The following RYR3 variants were observed in gnomAD, a reference collection of about 807,000 sequenced individuals.
RYR3 encodes the protein brain ryanodine receptor-calcium release channel.
RYR3 carries 207 observed loss-of-function variants against 584.3 expected under a neutral mutation model. The ratio of observed to expected loss-of-function variants is 0.35; its 90% CI spans 0.32 to 0.40. The LOEUF (loss-of-function observed/expected upper bound fraction) is 0.40, where lower values mean the gene tolerates loss of function less well. Among genes scored for constraint, RYR3 ranks in the 10% least tolerant of loss-of-function variants. The pLI is 1.00. For synonymous variants in RYR3, 2,416 were observed against 2,248.5 expected (o/e 1.07, Z -2.11); for missense variants, 5,616 against 6,089.2 (o/e 0.92, Z 2.59).
chr15:33,623,592 TG>T (rs1456302093), intron 19 of RYR3, among the ~76,000 whole-genome samples: 2 of 152,222 alleles, frequency 1.3e-5, no homozygotes, highest in African/African-American at 4.8e-5. Context: ...AACTTAGCCG[TG>T]ATGGGTCAGC....
chr15:33,635,040 T>A (rs2061435136), intron 25 of RYR3, among the ~76,000 whole-genome samples: 1 of 152,190 alleles, frequency 6.6e-6, no homozygotes, highest in Admixed American at 6.5e-5. Context: ...ACTGTTTTTT[T>A]ATCTTACTTG....
chr15:33,802,384 TTCC>T (rs1881059202), intron 69 of RYR3, among the ~76,000 whole-genome samples: 1 of 152,250 alleles, frequency 6.6e-6, no homozygotes, highest in Admixed American at 6.5e-5. Context: ...CATGCTTGTT[TTCC>T]TCCTATCTGT....
Position 33,633,128 on chromosome 15 carries a change from G to A in RYR3, c.3027+20G>A, listed in dbSNP as rs1436130021. On this transcript the variant is annotated intron_variant, in intron 24 of 103. Transcript: ENST00000634891. ...CAACAGGTAAGAAATTCTGGGTCAGGCATGCTGGAAAACTTAGAAGATATG... is the reference window on the plus strand; with the variant it reads ...CAACAGGTAAGAAATTCTGGGTCAGACATGCTGGAAAACTTAGAAGATATG... 2 of 1,609,050 alleles carry A rather than the reference G, an allele frequency of 1.2e-6. No homozygotes were observed. The highest frequency in any genetic ancestry group is 1.7e-6 in the Non-Finnish European group (2 of 1,176,804).
chr15:33,482,090 T>C (rs1252154823), intron 2 of RYR3, among the ~76,000 whole-genome samples: 1 of 152,178 alleles, frequency 6.6e-6, no homozygotes, highest in East Asian at 1.9e-4. Context: ...TCCTTCAACC[T>C]GAAGGATATT....
At chr15:33,671,166 T>G (rs1457708935) in intron 38 of RYR3, among the ~76,000 whole-genome samples, 3 of 152,182 alleles carry the variant, frequency 2.0e-5, no homozygotes. Flanking sequence ...TGAAACAAGA[T>G]TATAACTTGT....
At position 33,838,589 on chromosome 15, in the gene RYR3, G is replaced by A; in HGVS notation, c.12609G>A (p.Leu4203=). 3 of 1,613,926 alleles carry A rather than the reference G, an allele frequency of 1.9e-6. No homozygotes were observed. The highest frequency in any genetic ancestry group is 2.5e-6 in the Non-Finnish European group (3 of 1,179,870). Reference sequence around the variant, plus strand: ...TATTCCAGTTGCTCTTCACCATCCTGGGAGGAATCTTTCAGATCCTCTGGA... The same window carrying A: ...TATTCCAGTTGCTCTTCACCATCCTAGGAGGAATCTTTCAGATCCTCTGGA... The part of the protein sequence containing the change: ...VGLFQLLFTI[L]GGIFQILWST... The change falls in exon 89 of 104, where the codon CTG becomes CTA. Residue 4203 remains leucine, a synonymous_variant. Transcript: ENST00000634891.
Position 33,864,120 on chromosome 15 carries a change from A to ATCTTT in RYR3, c.14466-15_14466-11dup, listed in dbSNP as rs746571115. The ATCTTT allele has an allele frequency of 6.3e-7, 1 of 1,597,482 alleles. No homozygotes were observed. The highest frequency in any genetic ancestry group is 1.7e-5 in the Admixed American group (1 of 59,238). Reference sequence around the variant, plus strand: ...GGTCTTGACCAGAGTATCTAATACTATCTTTTCCTCGTTCCAGGTTCTTTC... The same window carrying ATCTTT: ...GGTCTTGACCAGAGTATCTAATACTATCTTTTCTTTTCCTCGTTCCAGGTTCTTTC... On this transcript the variant is annotated splice_polypyrimidine_tract_variant and intron_variant, in intron 102 of 103. Transcript: ENST00000634891.
chr15:33,587,175 G>T (rs1386744499), intron 16 of RYR3, among the ~76,000 whole-genome samples: 3 of 152,182 alleles, frequency 2.0e-5, no homozygotes, highest in African/African-American at 7.2e-5. Context: ...AAATACATGG[G>T]ATCTGAAATC....
At chr15:33,465,682 G>A (rs1375789494) in intron 1 of RYR3, 2 of 518,724 alleles carry the variant, frequency 3.9e-6, no homozygotes, top group Non-Finnish European at 7.7e-6. Flanking sequence ...GTGGAGGACA[G>A]CAGTGAGAAA....
chr15:33,805,013 A>AT (rs2076108931), intron 69 of RYR3, among the ~76,000 whole-genome samples: 1 of 152,136 alleles, frequency 6.6e-6, no homozygotes, highest in African/African-American at 2.4e-5. Flanking sequence ...AGATAACGCT[A>AT]TTTTTCTGGG....
At chr15:33,333,191 CT>C (rs1409206711) in intron 1 of RYR3, among the ~76,000 whole-genome samples, 8 of 151,622 alleles carry the variant, frequency 5.3e-5, no homozygotes, top group African/African-American at 1.9e-4. Context: ...AAAGGAGGGA[CT>C]CTTCCCTAAC....
intron 10 of RYR3, among the ~76,000 whole-genome samples, chr15:33,562,259 A>G (rs375992742): frequency 7.2e-5 from 11 of 152,242 alleles, no homozygotes; most frequent in Admixed American, 3.3e-4. Context: ...CTTGACTACA[A>G]CACACCACTG....
At chr15:33,417,910 C>T (rs958886382) in intron 1 of RYR3, among the ~76,000 whole-genome samples, 2 of 151,984 alleles carry the variant, frequency 1.3e-5, no homozygotes, top group African/African-American at 2.4e-5. Context: ...TTTTATTGAA[C>T]GTTTTTTCTT....
chr15:33,485,874 G>A (rs546419776), intron 2 of RYR3, among the ~76,000 whole-genome samples: 1 of 152,296 alleles, frequency 6.6e-6, no homozygotes, highest in African/African-American at 2.4e-5. Context: ...GGACCATGGA[G>A]TCTTGGAATT....
chr15:33,836,209 G>A (rs114656436), intron 87 of RYR3, among the ~76,000 whole-genome samples: 2 of 149,864 alleles, frequency 1.3e-5, no homozygotes, highest in Admixed American at 6.7e-5. Flanking sequence ...TGAGGGGGGG[G>A]TCTGTAAAAG....
At chr15:33,710,421 G>A (rs2067024556) in intron 43 of RYR3, among the ~76,000 whole-genome samples, 1 of 146,372 alleles carries the variant, frequency 6.8e-6, no homozygotes. Context: ...TTAGCTGACT[G>A]CACCCTCGAC....
chr15:33,586,245 A>C, intron 16 of RYR3, 129 bp downstream of exon 16: 1 of 657,154 alleles, frequency 1.5e-6, no homozygotes, highest in Middle Eastern at 4.2e-4. Context: ...GGGAAACTGG[A>C]AAAAAGACTT....
intron 7 of RYR3, among the ~76,000 whole-genome samples, chr15:33,543,221 A>AT (rs141653598): frequency 0.02 from 3,056 of 151,944 alleles, 93 homozygotes; most frequent in African/African-American, 0.07. Flanking sequence ...TCTGATTTGG[A>AT]TTTTTTTTAC....
Position 33,531,644 on chromosome 15 carries a change from TA to T in RYR3, c.354+979del, listed in dbSNP as rs1170664274. Among the ~76,000 whole-genome samples the T allele has an allele frequency of 7.3e-3, 756 of 102,986 alleles. 6 individuals are homozygous for T. Among genetic ancestry groups the T allele is most frequent in the African/African-American group, 0.019 (698 of 36,136 alleles). 67.6% of individuals were successfully genotyped at this position (102,986 alleles called of 152,430 possible). ...TCATTTGCTGCAGCATATATATATA[TA>T]TATTTTTTTTTCTGAGCACTGGTAA... On this transcript the variant is annotated intron_variant, in intron 4 of 103. Coordinates refer to ENST00000634891, the MANE Select transcript of RYR3 (RefSeq NM_001036.6).
Sources: gnomAD v4.1 joint callset for allele counts (sites outside exome capture counted in the v4.1 genomes callset) on GRCh38, gnomAD v4.1.1 for gene constraint, MANE v1.5 for transcripts, NCBI Gene and HGNC (gene_info 2026-07-23, HGNC 2026-07-21) for gene names.